The following DEFB134 variants were observed in gnomAD, a reference collection of about 807,000 sequenced individuals.
DEFB134 encodes defensin beta 134.
DEFB134 carries 7 observed loss-of-function variants against 7.4 expected under a neutral mutation model. That is an observed-to-expected ratio of 0.95 (90% CI 0.54 to 1.79). The LOEUF is 1.79. Among genes scored for constraint, DEFB134 ranks in the 40% most tolerant of loss-of-function variants. The pLI is 0.00. For missense variants in DEFB134, 105 were observed against 74.8 expected (o/e 1.40, Z -1.49); for synonymous variants, 33 against 25.0 (o/e 1.32, Z -0.96).
chr8:11,997,293 C>T (rs1800151355), upstream of DEFB134, among the ~76,000 whole-genome samples: 1 of 152,206 alleles, frequency 6.6e-6, no homozygotes. Context: ...CATGGCTATA[C>T]ATCTATGTGT....
upstream of DEFB134, among the ~76,000 whole-genome samples, chr8:11,997,561 T>G (rs1211769840): frequency 6.6e-6 from 1 of 152,184 alleles, no homozygotes; most frequent in Non-Finnish European, 1.5e-5. Flanking sequence ...AAAAGAACAG[T>G]GGTTGCTATT....
At position 11,994,097 on chromosome 8, in the gene DEFB134, C is replaced by A. The variant is rs148694123; in HGVS notation, c.84G>T (p.Met28Ile). 3.1e-6 allele frequency: 5 copies of A among 1,612,884 alleles called. No homozygotes were observed. In the South Asian group the frequency reaches 3.3e-5, roughly 11 times the overall value. The change falls in exon 2 of 2, where the codon ATG becomes ATT. Residue 28 changes from methionine to isoleucine, a missense_variant. Met to Ile is a conservative substitution (Grantham distance 10). Transcript: ENST00000526438. Reference sequence around the variant, plus strand: ...TGCCATTTTTATAGCATTTCTTGTGCATTTCTGATGATAATGAATTTATAC... The same window carrying A: ...TGCCATTTTTATAGCATTTCTTGTGAATTTCTGATGATAATGAATTTATAC...
At chr8:11,998,607 T>G (rs1042590336), upstream of DEFB134, among the ~76,000 whole-genome samples, 11 of 151,694 alleles carry the variant, frequency 7.3e-5, no homozygotes, top group African/African-American at 2.7e-4. Context: ...GATCTCAAAT[T>G]AAGAACCTAA....
At chr8:11,996,104 G>T (rs1276632734) in intron 1 of DEFB134, 90 bp downstream of exon 2, 2 of 1,464,572 alleles carry the variant, frequency 1.4e-6, no homozygotes, top group Non-Finnish European at 9.5e-7. Flanking sequence ...AAATTAAAGG[G>T]CCCATGGGTG....
At chr8:11,993,696 A>C in exon 2 of DEFB134, 1 of 294,008 alleles carries the variant, frequency 3.4e-6, no homozygotes, top group Non-Finnish European at 6.2e-6. Context: ...AATATCCTCT[A>C]TGATTAGAGG....
At chr8:11,994,243 G>T in intron 1 of DEFB134, 121 bp from the exon 3 acceptor site, 2 of 1,244,918 alleles carry the variant, frequency 1.6e-6, no homozygotes, top group Non-Finnish European at 1.1e-6. Context: ...AATTGATCCT[G>T]TAACTGAAAA....
rs1800114510 is a variant in DEFB134 at position 11,996,139 on chromosome 8, T to C, written c.58+55A>G. ...GGTGTATGTTTATTGGGTTGTTTAG[T>C]GGCATTGTTCTTCTATATGAAGCAC... On this transcript the variant is annotated intron_variant, in intron 1 of 1. Transcript: ENST00000526438. The C allele has an allele frequency of 5.0e-6, 8 of 1,599,462 alleles. No individual in the cohort carries two copies. The South Asian group carries it at 7.7e-5, about 15-fold the overall frequency.
intron 1 of DEFB134, among the ~76,000 whole-genome samples, chr8:11,994,388 C>A (rs1214711380): frequency 6.6e-6 from 1 of 152,100 alleles, no homozygotes; most frequent in Non-Finnish European, 1.5e-5. Flanking sequence ...GATGGTGGAA[C>A]CCTAATCCAA....
chr8:11,995,918 A>C (rs1057059056), intron 1 of DEFB134, among the ~76,000 whole-genome samples: 3 of 149,804 alleles, frequency 2.0e-5, no homozygotes, highest in Non-Finnish European at 4.4e-5. Context: ...CCATTTTTCA[A>C]ATGAAGAAAC....
intron 1 of DEFB134, 107 bp from the exon 3 acceptor site, chr8:11,994,229 T>G: frequency 7.5e-7 from 1 of 1,333,862 alleles, no homozygotes; most frequent in South Asian, 1.4e-5. Context: ...GATTTGGTTA[T>G]GATAATTGAT....
exon 2 of DEFB134, chr8:11,993,399 T>C (rs1402058786): frequency 3.3e-5 from 5 of 152,130 alleles, no homozygotes; most frequent in African/African-American, 1.2e-4. Context: ...CAACTGAAAC[T>C]AGGGAGGTGG....
intron 1 of DEFB134, 40 bp from the exon 3 acceptor site, chr8:11,994,162 C>T (rs1196044921): frequency 1.3e-6 from 2 of 1,568,424 alleles, no homozygotes; most frequent in African/African-American, 1.4e-5. Flanking sequence ...CACTACAGGC[C>T]TTTTTGGACC....
exon 2 of DEFB134, chr8:11,993,968 T>G (rs1474186030): frequency 6.2e-7 from 1 of 1,609,858 alleles, no homozygotes. Flanking sequence ...GGCCATTCAT[T>G]GGTTTCTTAT....
At chr8:11,994,226 T>C (rs1047315628) in intron 1 of DEFB134, 104 bp from the exon 3 acceptor site, 1 of 1,357,524 alleles carries the variant, frequency 7.4e-7, no homozygotes, top group African/African-American at 1.5e-5. Context: ...GGAGATTTGG[T>C]TATGATAATT....
intron 1 of DEFB134, among the ~76,000 whole-genome samples, chr8:11,995,688 GA>G (rs1800100127): frequency 6.6e-6 from 1 of 152,148 alleles, no homozygotes. Flanking sequence ...CAGTATATTA[GA>G]AAATTAACAA....
At chr8:11,996,261 C>G (rs370025554) in exon 1 of DEFB134, 18 of 1,613,434 alleles carry the variant, frequency 1.1e-5, no homozygotes, top group South Asian at 2.2e-5. Flanking sequence ...TGGCTGGGAA[C>G]TTCTGTTAAG....
chr8:11,993,700 T>G (rs1210136312), exon 2 of DEFB134: 2 of 305,276 alleles, frequency 6.6e-6, no homozygotes, highest in Non-Finnish European at 1.2e-5. Context: ...TCCTCTATGA[T>G]TAGAGGGAGA....
upstream of DEFB134, chr8:11,999,120 G>T (rs1800202820): frequency 6.3e-6 from 1 of 158,538 alleles, no homozygotes; most frequent in Non-Finnish European, 1.4e-5. Flanking sequence ...TCTCAAGTGA[G>T]CCCCAGCTGG....
chr8:11,999,887 T>C (rs1800226531), upstream of DEFB134, among the ~76,000 whole-genome samples: 1 of 152,190 alleles, frequency 6.6e-6, no homozygotes, highest in Non-Finnish European at 1.5e-5. Context: ...TAAGGCCACA[T>C]GGTGCTCTGG....
Sources: allele counts gnomAD v4.1 joint callset (sites outside exome capture counted in the v4.1 genomes callset), GRCh38; gene constraint gnomAD v4.1.1; transcripts MANE v1.5; gene names NCBI Gene and HGNC (gene_info 2026-07-23, HGNC 2026-07-21).